Variants in GPAT4 observed in about 807,000 individuals in gnomAD.
GPAT4 encodes the protein glycerol-3-phosphate acyltransferase 4, also known as 1-AGP acyltransferase 6.
A neutral mutation model predicts 58.0 loss-of-function variants in GPAT4; 17 were observed. The ratio of observed to expected loss-of-function variants is 0.29; its 90% confidence interval spans 0.20 to 0.44. GPAT4 has a LOEUF of 0.44. Among genes scored for constraint, GPAT4 ranks in the 20% least tolerant of loss-of-function variants. The pLI is 1.00. For synonymous variants in GPAT4, 204 were observed against 210.1 expected, an observed-to-expected ratio of 0.97 and a Z score of 0.25; for missense variants, 377 against 574.5, an observed-to-expected ratio of 0.66 and a Z score of 3.51.
At chr8:41,611,790 G>A (rs758719430) in intron 5 of GPAT4, 113 bp from the exon 6 acceptor site, 2 of 885,918 alleles carry the variant, frequency 2.3e-6, no homozygotes, top group Middle Eastern at 2.4e-4. Flanking sequence ...AGGTGCTGAT[G>A]TCTATACAAG....
At chr8:41,612,045 C>T in intron 6 of GPAT4, 53 bp downstream of exon 6, 1 of 1,600,820 alleles carries the variant, frequency 6.2e-7, no homozygotes. Context: ...GGAAACACCA[C>T]CCACCTATAC....
intron 1 of GPAT4, among the ~76,000 whole-genome samples, chr8:41,585,163 C>G (rs1802619245): frequency 6.6e-6 from 1 of 152,214 alleles, no homozygotes; most frequent in African/African-American, 2.4e-5. Flanking sequence ...TTCAGCGTAG[C>G]ACACATTTCC....
chr8:41,620,965 G>T lies in GPAT4; in HGVS notation c.1335G>T (p.Met445Ile). The T allele has an allele frequency of 6.4e-7, 1 of 1,551,568 alleles. No homozygotes were observed. The highest frequency in any genetic ancestry group is 8.7e-7 in the Non-Finnish European group (1 of 1,147,200). Residue 445 changes from methionine to isoleucine, a missense_variant, in exon 13 of 13, where the codon ATG becomes ATT. By Grantham distance (10) the Met-to-Ile change is conservative (BLOSUM62 1). Coordinates refer to ENST00000396987, the MANE Select transcript of GPAT4 (RefSeq NM_178819.4). ...KEEQQKLYSK[M>I]IVGNHKDRSR... Reference sequence around the variant, plus strand: ...AGCAGCAGAAGCTGTACAGCAAGATGATCGTGGGGAACCACAAGGACAGGA... The same window carrying T: ...AGCAGCAGAAGCTGTACAGCAAGATTATCGTGGGGAACCACAAGGACAGGA...
intron 7 of GPAT4, 83 bp downstream of exon 7, chr8:41,612,356 C>A: frequency 1.4e-6 from 2 of 1,388,538 alleles, no homozygotes; most frequent in South Asian, 1.2e-5. Flanking sequence ...GGACCCTTCA[C>A]ATAAACACAT....
At chr8:41,588,389 T>G (rs1802707153) in intron 1 of GPAT4, among the ~76,000 whole-genome samples, 1 of 152,232 alleles carries the variant, frequency 6.6e-6, no homozygotes, top group South Asian at 2.1e-4. Context: ...ATAGTCCCAG[T>G]CCAATACCTT....
chr8:41,609,555 A>G, intron 3 of GPAT4, 70 bp downstream of exon 3: 1 of 1,601,754 alleles, frequency 6.2e-7, no homozygotes, highest in Non-Finnish European at 8.6e-7. Context: ...TTCTGGTGCC[A>G]CACACGCTCT....
chr8:41,598,126 C>G lies in GPAT4; in HGVS notation c.-848-166C>G, dbSNP rs541495101. Among the ~76,000 whole-genome samples the G allele has an allele frequency of 4.6e-5, 7 of 152,328 alleles. No homozygotes were observed. The East Asian group carries it at 1.3e-3, about 29-fold the overall frequency. ...TTCCCTCCCACATTCATGTCTGCCA[C>G]CTGTTGGGTCTGCCTGGTCTCTTTG... On this transcript the variant is annotated intron_variant, in intron 1 of 12. Coordinates refer to ENST00000396987, the MANE Select transcript of GPAT4 (RefSeq NM_178819.4).
At chr8:41,584,119 A>G (rs1802593318) in intron 1 of GPAT4, among the ~76,000 whole-genome samples, 1 of 151,910 alleles carries the variant, frequency 6.6e-6, no homozygotes, top group Non-Finnish European at 1.5e-5. Flanking sequence ...CTGTTGTTGA[A>G]CTCCTGTCCT....
intron 2 of GPAT4, among the ~76,000 whole-genome samples, chr8:41,607,087 A>G (rs1803296044): frequency 6.6e-6 from 1 of 152,224 alleles, no homozygotes; most frequent in Admixed American, 6.5e-5. Flanking sequence ...AGGCAGAAAG[A>G]GTCCAGTTCA....
intron 12 of GPAT4, 21 bp from the exon 13 acceptor site, chr8:41,620,872 A>G: frequency 6.5e-7 from 1 of 1,550,060 alleles, no homozygotes; most frequent in Admixed American, 2.0e-5. Flanking sequence ...CTGTTACTAC[A>G]TCCAGCCTTT....
chr8:41,597,268 A>G (rs532059056), intron 1 of GPAT4, among the ~76,000 whole-genome samples: 2 of 152,304 alleles, frequency 1.3e-5, no homozygotes, highest in African/African-American at 2.4e-5. Context: ...GTACTTGTTC[A>G]TTTGTTCAAT....
rs755709726 is a variant in GPAT4, at chr8:41,609,746, G to C, written c.327G>C (p.Glu109Asp). The C allele has an allele frequency of 2.0e-5, 33 of 1,614,044 alleles. No homozygotes were observed. The highest frequency in any genetic ancestry group is 2.6e-5 in the Non-Finnish European group (31 of 1,180,056). The part of the protein sequence containing the change: ...GSSKALDNTP[E>D]FELSDIFYFC... Reference sequence around the variant, plus strand: ...GTAAGGCTCTGGACAACACTCCAGAGTTCGAGCTCTCTGACATTTTCTACT... The same window carrying C: ...GTAAGGCTCTGGACAACACTCCAGACTTCGAGCTCTCTGACATTTTCTACT... Residue 109 changes from glutamate (E) to aspartate (D), a missense_variant, in exon 4 of 13, where the codon GAG becomes GAC. Coordinates refer to ENST00000396987, the MANE Select transcript of GPAT4 (RefSeq NM_178819.4).
Position 41,610,808 on chromosome 8 carries a change from G to A in GPAT4, c.609G>A (p.Gly203=), listed in dbSNP as rs765945740. ...GTTVVGYLPN[G]RFKEFMSKHV... is the part of the protein sequence containing the mutation. ...CTGTGGTGGGATACTTGCCAAATGGGAGGTGAGTAGAGTGTGGCAGTCCAT... is the reference window on the plus strand; with the variant it reads ...CTGTGGTGGGATACTTGCCAAATGGAAGGTGAGTAGAGTGTGGCAGTCCAT... The change falls in exon 5 of 13, where the codon GGG becomes GGA. Residue 203 remains glycine (G), a splice_region_variant and synonymous_variant. Coordinates refer to ENST00000396987, the MANE Select transcript of GPAT4 (RefSeq NM_178819.4). The A allele has an allele frequency of 5.0e-6, 8 of 1,608,752 alleles. 1 individual carries two copies. The East Asian group carries it at 1.8e-4, about 36-fold the overall frequency.
intron 12 of GPAT4, among the ~76,000 whole-genome samples, chr8:41,620,088 C>A (rs1480371982): frequency 1.3e-5 from 2 of 152,220 alleles, no homozygotes; most frequent in Non-Finnish European, 2.9e-5. Context: ...CCCCATGTTC[C>A]CATCTCTGAA....
intron 10 of GPAT4, among the ~76,000 whole-genome samples, chr8:41,616,134 G>A (rs1803588844): frequency 6.6e-6 from 1 of 152,182 alleles, no homozygotes; most frequent in South Asian, 2.1e-4. Flanking sequence ...CCTGCATTCT[G>A]GCAAAACGAG....
intron 2 of GPAT4, among the ~76,000 whole-genome samples, chr8:41,601,687 G>A (rs931263628): frequency 1.3e-5 from 2 of 152,222 alleles, no homozygotes; most frequent in Non-Finnish European, 2.9e-5. Context: ...ATGACTTTGG[G>A]TAGGGCAGAA....
chr8:41,588,467 TCTTTTC>T (rs541339514), intron 1 of GPAT4, among the ~76,000 whole-genome samples: 141 of 152,340 alleles, frequency 9.3e-4, no homozygotes, highest in Non-Finnish European at 1.5e-3. Flanking sequence ...TGTTCTTTTT[TCTTTTC>T]CTTTTCCTTT....
chr8:41,605,430 G>A (rs760982501), intron 2 of GPAT4, among the ~76,000 whole-genome samples: 32 of 152,206 alleles, frequency 2.1e-4, no homozygotes, highest in Admixed American at 2.6e-4. Flanking sequence ...AAGGTGAAAA[G>A]GTAATATTGT....
At position 41,622,028 on chromosome 8, in the gene GPAT4, A is replaced by G. The variant is rs1463769332; in HGVS notation, c.*1027A>G. The G allele has an allele frequency of 1.3e-5, 2 of 152,372 alleles. No individual in the cohort carries two copies. Among genetic ancestry groups the G allele is most frequent in the South Asian group, 2.1e-4 (1 of 4,830 alleles). 9.4% of individuals were successfully genotyped at this position (152,372 alleles called of 1,614,324 possible). A position where few individuals can be genotyped will look rare whatever the true frequency, so the allele number is the denominator to read the frequency against. On this transcript the variant is annotated 3_prime_UTR_variant, in exon 13 of 13. Coordinates refer to ENST00000396987, the MANE Select transcript of GPAT4 (RefSeq NM_178819.4). ...TGGCCCTGGGGCTGCGGAGAAGCCAACTGACTGCTGGAGCGAGGAACCCTG... is the reference window on the plus strand; with the variant it reads ...TGGCCCTGGGGCTGCGGAGAAGCCAGCTGACTGCTGGAGCGAGGAACCCTG...
Sources: gnomAD v4.1 joint callset for allele counts (sites outside exome capture counted in the v4.1 genomes callset) on GRCh38, gnomAD v4.1.1 for gene constraint, MANE v1.5 for transcripts, NCBI Gene and HGNC (gene_info 2026-07-23, HGNC 2026-07-21) for gene names.